The following NOS1AP variants were observed in gnomAD, a reference collection of about 807,000 sequenced individuals.
NOS1AP encodes the protein carboxyl-terminal PDZ ligand of neuronal nitric oxide synthase protein.
A neutral mutation model predicts 56.2 loss-of-function variants in NOS1AP; 21 were observed. The ratio of observed to expected loss-of-function variants is 0.37; its 90% CI spans 0.26 to 0.54. The LOEUF is 0.54. Among genes scored for constraint, NOS1AP ranks in the 20% least tolerant of loss-of-function variants. The probability of loss-of-function intolerance (pLI) is 0.84; values close to 1 mark genes in which losing one functional copy is unlikely to be tolerated. For missense variants in NOS1AP, 522 were observed against 657.8 expected (o/e 0.79, Z 2.26); for synonymous variants, 270 against 274.6 (o/e 0.98, Z 0.17).
chr1:162,290,569 A>G (rs1184482083), intron 3 of NOS1AP, among the ~76,000 whole-genome samples: 1 of 152,232 alleles, frequency 6.6e-6, no homozygotes, highest in African/African-American at 2.4e-5. Flanking sequence ...CATCATGATT[A>G]GGTTAAGAAC....
chr1:162,077,874 G>A (rs564888672), intron 1 of NOS1AP, among the ~76,000 whole-genome samples: 1 of 152,114 alleles, frequency 6.6e-6, no homozygotes. Context: ...ACCCTCTGCA[G>A]TATCTCAGTC....
At chr1:162,154,577 C>G (rs1649853779) in intron 2 of NOS1AP, 101 bp downstream of exon 2, 1 of 979,250 alleles carries the variant, frequency 1.0e-6, no homozygotes, top group Non-Finnish European at 1.6e-6. Context: ...TGGCTACACC[C>G]CTTGCAAACC....
At chr1:162,321,727 A>ATATATATAT (rs879365955) in intron 4 of NOS1AP, among the ~76,000 whole-genome samples, 1 of 130,530 alleles carries the variant, frequency 7.7e-6, no homozygotes, top group African/African-American at 3.2e-5. Context: ...ATTAAAAAAA[A>ATATATATAT]AAAAATATAT....
intron 2 of NOS1AP, among the ~76,000 whole-genome samples, chr1:162,214,507 T>G (rs1254015611): frequency 6.6e-6 from 1 of 152,076 alleles, no homozygotes. Flanking sequence ...CTGCTTAGCT[T>G]CTGAGTTTTG....
intron 6 of NOS1AP, among the ~76,000 whole-genome samples, chr1:162,347,117 G>T (rs1382347618): frequency 6.6e-6 from 1 of 152,218 alleles, no homozygotes; most frequent in Non-Finnish European, 1.5e-5. Context: ...CTAGCTGGTT[G>T]CTTGGCTCAA....
chr1:162,174,581 A>G (rs528447598), intron 2 of NOS1AP, among the ~76,000 whole-genome samples: 17 of 152,310 alleles, frequency 1.1e-4, no homozygotes, highest in African/African-American at 3.6e-4. Flanking sequence ...AAAAAATAAA[A>G]AAACTTTCTA....
intron 3 of NOS1AP, among the ~76,000 whole-genome samples, chr1:162,296,625 A>T (rs959240495): frequency 1.3e-5 from 2 of 152,124 alleles, no homozygotes; most frequent in African/African-American, 4.8e-5. Context: ...AAATTAACCC[A>T]AGGGGCCCTG....
chr1:162,366,089 G>C (rs914213060), intron 9 of NOS1AP, among the ~76,000 whole-genome samples: 2 of 152,188 alleles, frequency 1.3e-5, no homozygotes, highest in African/African-American at 2.4e-5. Flanking sequence ...GCACTGCTCT[G>C]CTGGGCAATA....
intron 5 of NOS1AP, among the ~76,000 whole-genome samples, chr1:162,343,385 TGGCTTCCA>T (rs1657173424): frequency 1.3e-5 from 2 of 152,216 alleles, no homozygotes; most frequent in African/African-American, 4.8e-5. Flanking sequence ...GTTTAGGCCA[TGGCTTCCA>T]AGCCTCATGT....
At chr1:162,208,535 A>G (rs1205023558) in intron 2 of NOS1AP, among the ~76,000 whole-genome samples, 2 of 152,114 alleles carry the variant, frequency 1.3e-5, no homozygotes, top group African/African-American at 4.8e-5. Flanking sequence ...TTTGGACCAG[A>G]TAATTGTTTG....
chr1:162,247,394 C>T (rs1425494698), intron 2 of NOS1AP, among the ~76,000 whole-genome samples: 3 of 152,120 alleles, frequency 2.0e-5, no homozygotes, highest in Non-Finnish European at 4.4e-5. Flanking sequence ...CTGCCATATC[C>T]GGTAGCACCT....
At chr1:162,264,419 T>TCTTCC (rs1317507251) in intron 2 of NOS1AP, among the ~76,000 whole-genome samples, 1 of 2,946 alleles carries the variant, frequency 3.4e-4, no homozygotes, top group African/African-American at 5.7e-4. Flanking sequence ...TCTTCCCTTC[T>TCTTCC]CTTCCCTTCT....
chr1:162,288,558 G>A (rs964460281), intron 3 of NOS1AP, among the ~76,000 whole-genome samples: 1 of 152,178 alleles, frequency 6.6e-6, no homozygotes, highest in Non-Finnish European at 1.5e-5. Context: ...CGTACAAGGG[G>A]CATTGTCCAG....
chr1:162,360,753 C>T (rs1657873188), intron 8 of NOS1AP: 1 of 454,924 alleles, frequency 2.2e-6, no homozygotes, highest in African/African-American at 2.0e-5. Flanking sequence ...CATGCACTGC[C>T]CAAGTCCCTG....
At chr1:162,222,798 A>C (rs1325744643) in intron 2 of NOS1AP, among the ~76,000 whole-genome samples, 1 of 152,250 alleles carries the variant, frequency 6.6e-6, no homozygotes, top group Admixed American at 6.5e-5. Context: ...AAACTGCTGA[A>C]ATAAAAATGA....
intron 2 of NOS1AP, among the ~76,000 whole-genome samples, chr1:162,230,645 C>T (rs1378717866): frequency 6.6e-6 from 1 of 152,202 alleles, no homozygotes; most frequent in African/African-American, 2.4e-5. Context: ...TAAACAACAA[C>T]TTCCCTTTCT....
At position 162,070,113 on chromosome 1, in the gene NOS1AP, C is replaced by G. The variant is rs890419380; in HGVS notation, c.-65C>G. ...GCGCCCAGCTCCAGTCTCCCCTCCCCGGGGTCTCGCCAGCCCCTTCCTGCA... is the reference window on the plus strand; with the variant it reads ...GCGCCCAGCTCCAGTCTCCCCTCCCGGGGGTCTCGCCAGCCCCTTCCTGCA... On this transcript the variant is annotated 5_prime_UTR_variant, in exon 1 of 10. Transcript: ENST00000361897. The G allele has an allele frequency of 1.4e-5, 18 of 1,329,244 alleles. No homozygotes were observed. Among genetic ancestry groups the G allele is most frequent in the South Asian group, 1.3e-4 (11 of 84,812 alleles). The allele number at this position is 1,329,244 out of a possible 1,614,324, so 82.3% of individuals were successfully genotyped here.
At chr1:162,273,157 G>C (rs984049042) in intron 2 of NOS1AP, among the ~76,000 whole-genome samples, 1 of 102,680 alleles carries the variant, frequency 9.7e-6, no homozygotes, top group African/African-American at 3.3e-5. Context: ...GGAAGCCCTT[G>C]TTCTTTTTTT....
At chr1:162,286,160 A>G (rs1390089012) in intron 2 of NOS1AP, among the ~76,000 whole-genome samples, 2 of 152,216 alleles carry the variant, frequency 1.3e-5, no homozygotes, top group African/African-American at 2.4e-5. Flanking sequence ...TTCTAATGAG[A>G]TTTCCAAAGT....
Sources: allele counts gnomAD v4.1 joint callset (sites outside exome capture counted in the v4.1 genomes callset), GRCh38; gene constraint gnomAD v4.1.1; transcripts MANE v1.5; gene names NCBI Gene and HGNC (gene_info 2026-07-23, HGNC 2026-07-21).